The following DPP6 variants were observed in gnomAD, a reference collection of about 807,000 sequenced individuals.
DPP6 encodes dipeptidyl peptidase like 6.
DPP6 carries 69 observed loss-of-function variants against 122.6 expected under a neutral mutation model. The ratio of observed to expected loss-of-function variants is 0.56; its 90% CI spans 0.46 to 0.69. The LOEUF is 0.69. Ranked by LOEUF, DPP6 falls within the 30% of genes least tolerant of loss-of-function variation. The pLI is 0.00. For missense variants in DPP6, 928 were observed against 1,116.9 expected (o/e 0.83, Z 2.41); for synonymous variants, 418 against 433.1 (o/e 0.97, Z 0.43).
At chr7:154,085,702 A>G (rs1041221488) in intron 1 of DPP6, among the ~76,000 whole-genome samples, 2 of 152,012 alleles carry the variant, frequency 1.3e-5, no homozygotes, top group African/African-American at 4.8e-5. Context: ...TAACTTTCCT[A>G]GTATGCTTAG....
chr7:153,884,275 C>T (rs1394698537), upstream of DPP6, among the ~76,000 whole-genome samples: 1 of 152,112 alleles, frequency 6.6e-6, no homozygotes, highest in African/African-American at 2.4e-5. Flanking sequence ...GTTTTTTGTC[C>T]TCGCAATAGT....
chr7:153,793,288 G>A, the DPP6 span, among the ~76,000 whole-genome samples: 1 of 151,444 alleles, frequency 6.6e-6, no homozygotes, highest in African/African-American at 2.4e-5. Context: ...GGACAATAAG[G>A]TTCTAGCTGA....
At chr7:154,193,276 G>T (rs1454253099) in intron 1 of DPP6, among the ~76,000 whole-genome samples, 1 of 152,184 alleles carries the variant, frequency 6.6e-6, no homozygotes, top group Non-Finnish European at 1.5e-5. Flanking sequence ...AAGACATCTT[G>T]GAAGTGATAG....
rs145073562 is a variant in DPP6 at position 154,573,298 on chromosome 7, C to G, written c.627+6382C>G. On this transcript the variant is annotated intron_variant, in intron 5 of 25. Transcript: ENST00000377770. ...TCTCTGTCTCCCTCTGCAGTGGCCT[C>G]AGAGGGCAAACTGAAGAGCAGGGCC... Among the ~76,000 whole-genome samples the G allele has an allele frequency of 1.8e-3, 275 of 152,330 alleles. 2 individuals are homozygous for G. The highest frequency in any genetic ancestry group is 0.01 in the East Asian group (53 of 5,166).
chr7:153,966,919 G>T lies in DPP6; in HGVS notation c.51+79185G>T, dbSNP rs2531097. Among the ~76,000 whole-genome samples, 16 of 151,502 alleles carry T rather than the reference G, an allele frequency of 1.1e-4. No individual in the cohort carries two copies. The East Asian group carries it at 1.2e-3, about 11-fold the overall frequency. ...CCATCTCTACCAAAAATAGAAAAATGAGCTGAGCTTAGTGTCATCTGCCTG... is the reference window on the plus strand; with the variant it reads ...CCATCTCTACCAAAAATAGAAAAATTAGCTGAGCTTAGTGTCATCTGCCTG... On this transcript the variant is annotated intron_variant, in intron 1 of 25. Coordinates refer to the DPP6 transcript ENST00000404039.
intron 6 of DPP6, among the ~76,000 whole-genome samples, chr7:154,643,588 C>T (rs1038393237): frequency 1.3e-5 from 2 of 151,712 alleles, no homozygotes; most frequent in East Asian, 3.9e-4. Flanking sequence ...CCTGCCTCAG[C>T]CTCCTGAGTA....
chr7:154,002,651 C>G (rs971575048), intron 1 of DPP6, among the ~76,000 whole-genome samples: 1 of 152,108 alleles, frequency 6.6e-6, no homozygotes, highest in African/African-American at 2.4e-5. Flanking sequence ...AAAACCATCA[C>G]TTGGTGGGAC....
chr7:154,000,618 C>G (rs1167504358), intron 1 of DPP6, among the ~76,000 whole-genome samples: 1 of 152,184 alleles, frequency 6.6e-6, no homozygotes, highest in Non-Finnish European at 1.5e-5. Flanking sequence ...AGCCGAGTTT[C>G]CTGACCTAGA....
At chr7:154,810,485 G>A (rs1798983074) in intron 16 of DPP6, among the ~76,000 whole-genome samples, 1 of 152,198 alleles carries the variant, frequency 6.6e-6, no homozygotes, top group Non-Finnish European at 1.5e-5. Flanking sequence ...CGGATTTCTA[G>A]TCTGCCACTG....
At chr7:153,960,417 G>A (rs1795289773) in intron 1 of DPP6, among the ~76,000 whole-genome samples, 1 of 152,154 alleles carries the variant, frequency 6.6e-6, no homozygotes, top group African/African-American at 2.4e-5. Flanking sequence ...CGCACCCCAA[G>A]TGAGCCAGGA....
chr7:154,867,856 T>A, intron 17 of DPP6, 139 bp from the exon 18 acceptor site: 1 of 1,201,604 alleles, frequency 8.3e-7, no homozygotes, highest in Non-Finnish European at 1.1e-6. Context: ...CCAGTTTCTT[T>A]TTCTGTACAC....
At chr7:154,331,155 T>G (rs888849678) in intron 1 of DPP6, among the ~76,000 whole-genome samples, 1 of 152,142 alleles carries the variant, frequency 6.6e-6, no homozygotes, top group Non-Finnish European at 1.5e-5. Context: ...CAAAGATACA[T>G]GGGTACTCTA....
At position 153,910,234 on chromosome 7, in the gene DPP6, C is replaced by CTTTTTTCTTTTTTTTTTTTTTTTTT. The variant is rs750065238; in HGVS notation, c.51+22506_51+22507insCTTTTTTTTTTTTTTTTTTTTTTTT. On this transcript the variant is annotated intron_variant, in intron 1 of 25. Transcript: ENST00000404039. The stretch of plus-strand genomic sequence containing the variant: ...ACTTTTTTGACCACTTTCTTTCTTT[C>CTTTTTTCTTTTTTTTTTTTTTTTTT]TTTTTTTTTTTTTGAGATGGAGTCT... Among the ~76,000 whole-genome samples, 5 of 137,748 alleles carry CTTTTTTCTTTTTTTTTTTTTTTTTT rather than the reference C, an allele frequency of 3.6e-5. 1 individual carries two copies. The highest frequency in any genetic ancestry group is 6.3e-5 in the Non-Finnish European group (4 of 63,946). The allele number at this position is 137,748 out of a possible 152,430, so 90.4% of individuals were successfully genotyped here. A position where few individuals can be genotyped will look rare whatever the true frequency, so the allele number is the denominator to read the frequency against.
intron 5 of DPP6, among the ~76,000 whole-genome samples, chr7:154,598,571 G>T (rs1026272003): frequency 6.6e-6 from 1 of 152,204 alleles, no homozygotes; most frequent in Non-Finnish European, 1.5e-5. Context: ...ATGACAGCAC[G>T]TCTGTTAGAC....
At chr7:154,224,086 G>A (rs1370760674) in intron 1 of DPP6, among the ~76,000 whole-genome samples, 1 of 147,870 alleles carries the variant, frequency 6.8e-6, no homozygotes, top group African/African-American at 2.6e-5. Context: ...AGCCCAGGAG[G>A]GGACACACAG....
rs1327516649 is a variant in DPP6, at chr7:154,663,426, A to G, written c.681-5934A>G. ...TCATATAGTCATGATGAATCACCAT[A>G]GCGTATTGGCCATAGTGTTCATATA... is the stretch of plus-strand genomic sequence containing the variant. On this transcript the variant is annotated intron_variant, in intron 6 of 25. Coordinates refer to ENST00000377770, the MANE Select transcript of DPP6 (RefSeq NM_130797.4). 2.8e-4 allele frequency among the ~76,000 whole-genome samples: 9 copies of G among 32,476 alleles called. 1 individual carries two copies. Among genetic ancestry groups the G allele is most frequent in the East Asian group, 2.1e-3 (2 of 974 alleles). 21.3% of individuals were successfully genotyped at this position (32,476 alleles called of 152,430 possible).
intron 1 of DPP6, among the ~76,000 whole-genome samples, chr7:154,120,364 C>T (rs1198845090): frequency 6.6e-6 from 1 of 151,988 alleles, no homozygotes; most frequent in Non-Finnish European, 1.5e-5. Flanking sequence ...CCTGCCTCAG[C>T]CTCCTGAGTA....
At chr7:154,784,750 G>A (rs1797237854) in intron 10 of DPP6, among the ~76,000 whole-genome samples, 1 of 152,166 alleles carries the variant, frequency 6.6e-6, no homozygotes, top group African/African-American at 2.4e-5. Flanking sequence ...TCTCAGGTCT[G>A]CAGCAGATTC....
chr7:154,363,630 C>T (rs778767685), intron 1 of DPP6, among the ~76,000 whole-genome samples: 16 of 152,082 alleles, frequency 1.1e-4, no homozygotes, highest in Non-Finnish European at 1.5e-4. Flanking sequence ...AACCATGCTC[C>T]GTGGGTTGAC....
Sources: allele counts gnomAD v4.1 joint callset (sites outside exome capture counted in the v4.1 genomes callset), GRCh38; gene constraint gnomAD v4.1.1; transcripts MANE v1.5; gene names NCBI Gene and HGNC (gene_info 2026-07-23, HGNC 2026-07-21).